DST: variants seen among roughly 807,000 people sequenced by gnomAD.
DST encodes bullous pemphigoid antigen.
DST carries 253 observed loss-of-function variants against 875.2 expected under a neutral mutation model. That is an observed-to-expected ratio of 0.29 (90% CI 0.26 to 0.32). The LOEUF is 0.32. Ranked by LOEUF, DST falls within the 10% of genes least tolerant of loss-of-function variation. The pLI is 1.00. For synonymous variants in DST, 3,124 were observed against 3,197.1 expected (o/e 0.98, Z 0.77); for missense variants, 8,287 against 9,111.6 (o/e 0.91, Z 3.68).
At chr6:56,778,177 T>G (rs2099683287) in intron 4 of DST, among the ~76,000 whole-genome samples, 1 of 151,994 alleles carries the variant, frequency 6.6e-6, no homozygotes, top group African/African-American at 2.4e-5. Flanking sequence ...ATAAATGAAA[T>G]CAAGGAATTG....
rs79922686 is a variant in DST at position 56,603,276 on chromosome 6, C to T, written c.11086G>A (p.Ala3696Thr). The change falls in exon 42 of 104, where the codon GCC becomes ACC. Residue 3696 changes from alanine to threonine, a missense_variant. Ala to Thr is a moderately conservative substitution (Grantham distance 58, BLOSUM62 0). Around this residue, in one of 10 missense-constraint regions of DST, gnomAD observed 3,138 missense variants for 3,116.6 expected, o/e 1.01. Coordinates refer to ENST00000680361, the MANE Select transcript of DST (RefSeq NM_001374736.1). ...GACACGTTGCTGAGGGAAGAGAAGG[C>T]GGTCTTCAAACTCTGGTGGCTAATA... Reference protein sequence around the residue: ...LSISHQSLKTAFSSLSNVSSE... With the variant: ...LSISHQSLKTTFSSLSNVSSE... 3.8e-3 allele frequency: 6,072 copies of T among 1,609,658 alleles called. 195 individuals are homozygous for T. In the African/African-American group the frequency reaches 0.07, roughly 19 times the overall value.
chr6:56,614,635 C>T, intron 36 of DST, 151 bp from the exon 37 acceptor site: 1 of 1,283,798 alleles, frequency 7.8e-7, no homozygotes, highest in Non-Finnish European at 9.8e-7. Flanking sequence ...ACCATATTTA[C>T]CATGTCACAT....
In DST at chr6:56,616,018, T is replaced by C. The variant is rs147198836; in HGVS notation, c.4930-1534A>G. The C allele has an allele frequency of 5.9e-5, 96 of 1,614,076 alleles. No individual in the cohort carries two copies. Among genetic ancestry groups the C allele is most frequent in the Non-Finnish European group, 7.5e-5 (89 of 1,180,038 alleles). On this transcript the variant is annotated intron_variant, in intron 36 of 103. Transcript: ENST00000680361. ...GATCAATTATGCCCCCTGTACTGAC[T>C]TGGGCTTCAAGGCATCGGAGGGCAG...
chr6:56,655,827 C>T (rs2099004852), intron 10 of DST, among the ~76,000 whole-genome samples: 1 of 144,770 alleles, frequency 6.9e-6, no homozygotes, highest in African/African-American at 2.5e-5. Context: ...TTCCTCTGTT[C>T]CCAAATGCCG....
chr6:56,598,649 CTG>C lies in DST; in HGVS notation c.11753_11754del (p.Thr3918ArgfsTer9). ...TCACCATTCTCTTTTAAGAAGTTCT[CTG>C]TGTTTTTCACTACTTCAGCCAATGC... ...AQALAEVVKN[T>X]ENFLKENGEK... On this transcript the variant is annotated frameshift_variant, in exon 46 of 104. Coordinates refer to ENST00000680361, the MANE Select transcript of DST (RefSeq NM_001374736.1). LOFTEE classifies it high-confidence loss of function. 1 of 1,610,938 alleles carries C rather than the reference CTG, an allele frequency of 6.2e-7. No homozygotes were observed. The highest frequency in any genetic ancestry group is 1.3e-5 in the African/African-American group (1 of 74,980).
rs200000404 is a variant in DST at position 56,600,169 on chromosome 6, T to C, written c.11594A>G (p.Asp3865Gly). The C allele has an allele frequency of 8.6e-5, 138 of 1,612,970 alleles. No individual in the cohort carries two copies. The highest frequency in any genetic ancestry group is 1.2e-4 in the Non-Finnish European group (136 of 1,179,230). The stretch of plus-strand genomic sequence containing the variant: ...GCGGTTTTCAGTTTGGGTAAGAAGA[T>C]CACATATCCCTTGGAGTTTCTCTTT... ...EYKEKLQGIC[D>G]LLTQTENRLI... is the part of the protein sequence containing the mutation. The change falls in exon 45 of 104, where the codon GAT becomes GGT. Residue 3865 changes from aspartate to glycine, a missense_variant. Around this residue, in one of 10 missense-constraint regions of DST, gnomAD observed 3,138 missense variants for 3,116.6 expected, o/e 1.01. Transcript: ENST00000680361.
intron 85 of DST, among the ~76,000 whole-genome samples, chr6:56,491,347 G>A (rs2152438252): frequency 6.6e-6 from 1 of 152,260 alleles, no homozygotes; most frequent in African/African-American, 2.4e-5. Context: ...CTAGAAAATT[G>A]CAGCTGACTG....
chr6:56,668,726 C>A (rs919674328), intron 10 of DST, among the ~76,000 whole-genome samples: 11 of 152,080 alleles, frequency 7.2e-5, no homozygotes, highest in African/African-American at 2.7e-4. Context: ...TGAGATCATG[C>A]CATTGCACTC....
At chr6:56,884,632 G>A (rs913564030) in intron 3 of DST, among the ~76,000 whole-genome samples, 13 of 152,250 alleles carry the variant, frequency 8.5e-5, no homozygotes, top group African/African-American at 3.1e-4. Flanking sequence ...TCCTTCAACA[G>A]CAGTAGGAGC....
chr6:56,919,392 G>A (rs1802915007), intron 2 of DST, among the ~76,000 whole-genome samples: 2 of 152,090 alleles, frequency 1.3e-5, no homozygotes, highest in South Asian at 4.1e-4. Context: ...TTTAAGTATA[G>A]TGTGAGAGAC....
chr6:56,773,375 A>G (rs2152980103), intron 4 of DST, among the ~76,000 whole-genome samples: 2 of 152,154 alleles, frequency 1.3e-5, no homozygotes, highest in East Asian at 3.9e-4. Flanking sequence ...CTGCTTATAT[A>G]TATACTTTTT....
At chr6:56,728,208 T>G (rs555529388) in intron 5 of DST, among the ~76,000 whole-genome samples, 1 of 152,316 alleles carries the variant, frequency 6.6e-6, no homozygotes, top group East Asian at 1.9e-4. Flanking sequence ...CAACAAACAC[T>G]AAAATGACTT....
At chr6:56,850,409 CAAAA>C (rs70989736) in intron 4 of DST, among the ~76,000 whole-genome samples, 2 of 77,298 alleles carry the variant, frequency 2.6e-5, no homozygotes. Flanking sequence ...GTATAGGAGG[CAAAA>C]AAAAAAAAAA....
chr6:56,549,121 C>A (rs1382870335), intron 61 of DST, among the ~76,000 whole-genome samples: 1 of 152,152 alleles, frequency 6.6e-6, no homozygotes, highest in African/African-American at 2.4e-5. Context: ...TGCTTTAAAT[C>A]CTCTATTACG....
rs767197369 is a variant in DST, at chr6:56,508,729, C to T, written c.19039G>A (p.Val6347Ile). The T allele has an allele frequency of 3.1e-6, 5 of 1,613,364 alleles. No individual in the cohort carries two copies. The African/African-American group carries it at 6.7e-5, about 22-fold the overall frequency. The change falls in exon 75 of 104, where the codon GTT becomes ATT. Residue 6347 changes from valine to isoleucine, a missense_variant. Physicochemically the swap from Val to Ile is conservative, Grantham distance 29 (BLOSUM62 3). This residue lies in a region of DST where 1,292 missense variants were observed against 1,552.7 expected (regional missense o/e 0.83). Transcript: ENST00000680361. ...KAVQDKLDQM[V>I]FIWENIHTLV... The stretch of plus-strand genomic sequence containing the variant: ...GTGTGTATGTTCTCCCAAATGAAAA[C>T]CATTTGGTCAAGCTTATCCTGAACA...
At chr6:56,841,938 G>A (rs1015743834) in intron 4 of DST, among the ~76,000 whole-genome samples, 1 of 152,058 alleles carries the variant, frequency 6.6e-6, no homozygotes, top group Non-Finnish European at 1.5e-5. Context: ...AAGAGTCTTG[G>A]CACAAAGGAA....
rs964035451 is a variant in DST, at chr6:56,608,137, G to C, written c.6491C>G (p.Ser2164Cys). The change falls in exon 40 of 104, where the codon TCT (serine) becomes TGT (cysteine). Residue 2164 changes from serine to cysteine, a missense_variant. Physicochemically the swap from Ser to Cys is moderately radical, Grantham distance 112 (BLOSUM62 -1). Around this residue, in one of 10 missense-constraint regions of DST, gnomAD observed 3,138 missense variants for 3,116.6 expected, o/e 1.01. Transcript: ENST00000680361. ...TGTGGAGGGTTGAAATTTACAAAAA[G>C]AGAGCCATCTTCTGGCATTTTTACA... ...EACKNARRWLSFCKFQPSTVH... is the reference protein window; with the variant it reads ...EACKNARRWLCFCKFQPSTVH... 7 of 1,613,674 alleles carry C rather than the reference G, an allele frequency of 4.3e-6. No homozygotes were observed. Among genetic ancestry groups the C allele is most frequent in the Non-Finnish European group, 5.9e-6 (7 of 1,179,724 alleles).
At position 56,623,934 on chromosome 6, in the gene DST, T is replaced by C. The variant is rs150598000; in HGVS notation, c.4929+596A>G. On this transcript the variant is annotated intron_variant, in intron 36 of 103. Transcript: ENST00000680361. The stretch of plus-strand genomic sequence containing the variant: ...ATCAAAGCTGCAGAAGTTCTCCAAA[T>C]CAGAGTGGCATTTAAATAGCCTTTT... Among the ~76,000 whole-genome samples, 542 of 151,990 alleles carry C rather than the reference T, an allele frequency of 3.6e-3. 3 individuals are homozygous for C. Among genetic ancestry groups the C allele is most frequent in the African/African-American group, 0.012 (512 of 41,498 alleles).
intron 15 of DST, chr6:56,642,899 A>G: frequency 6.4e-7 from 1 of 1,571,700 alleles, no homozygotes; most frequent in Non-Finnish European, 8.6e-7. Flanking sequence ...TGAATATTAC[A>G]GCTTTTAGTG....
Sources: allele counts gnomAD v4.1 joint callset (sites outside exome capture counted in the v4.1 genomes callset), GRCh38; gene constraint gnomAD v4.1.1; regional missense constraint gnomAD v4.1.1; transcripts MANE v1.5; gene names NCBI Gene and HGNC (gene_info 2026-07-23, HGNC 2026-07-21).